Variants in MAML3 observed in about 807,000 individuals in gnomAD.
MAML3 encodes the protein mastermind-like protein 3.
Under a neutral mutation model 101.9 loss-of-function variants are expected in MAML3, and 27 were observed. That is an observed-to-expected ratio of 0.27 (90% CI 0.20 to 0.37). MAML3 has a LOEUF of 0.37. Among genes scored for constraint, MAML3 ranks in the 10% least tolerant of loss-of-function variants. MAML3 has a pLI of 1.00. For missense variants in MAML3, 1,316 were observed against 1,444.9 expected (o/e 0.91, Z 1.45); for synonymous variants, 501 against 555.9 (o/e 0.90, Z 1.39).
intron 1 of MAML3, among the ~76,000 whole-genome samples, chr4:139,894,456 G>C (rs1475250302): frequency 6.6e-6 from 1 of 151,644 alleles, no homozygotes; most frequent in Non-Finnish European, 1.5e-5. Flanking sequence ...GCTACAGTGA[G>C]CTGAGATCGT....
intron 2 of MAML3, among the ~76,000 whole-genome samples, chr4:139,855,456 CCT>C (rs1461831863): frequency 1.3e-5 from 2 of 152,106 alleles, no homozygotes; most frequent in Admixed American, 6.6e-5. Flanking sequence ...CTCTATTTTT[CCT>C]CTGTTTTTCA....
At chr4:139,997,378 C>A (rs543001677) in intron 1 of MAML3, among the ~76,000 whole-genome samples, 57 of 152,050 alleles carry the variant, frequency 3.7e-4, no homozygotes, top group African/African-American at 1.3e-3. Flanking sequence ...TAACTTATCA[C>A]AATCTATTGC....
intron 1 of MAML3, among the ~76,000 whole-genome samples, chr4:139,918,647 C>A (rs1733069138): frequency 6.6e-6 from 1 of 152,202 alleles, no homozygotes; most frequent in African/African-American, 2.4e-5. Context: ...TGAGTGTAAG[C>A]TCCTTGCAGA....
intron 2 of MAML3, among the ~76,000 whole-genome samples, chr4:139,742,279 G>A (rs1215433749): frequency 6.6e-6 from 1 of 152,006 alleles, no homozygotes; most frequent in African/African-American, 2.4e-5. Context: ...CTCCCTAGTA[G>A]CTGGGATTAC....
chr4:140,129,247 G>A (rs1382940564), intron 1 of MAML3, among the ~76,000 whole-genome samples: 2 of 152,092 alleles, frequency 1.3e-5, no homozygotes. Flanking sequence ...CCATCAGTGG[G>A]ACCATGGAAG....
chr4:139,899,881 T>C (rs756021392), intron 1 of MAML3, among the ~76,000 whole-genome samples: 10 of 152,210 alleles, frequency 6.6e-5, no homozygotes, highest in Non-Finnish European at 1.3e-4. Flanking sequence ...GGCTTCCCTG[T>C]ACCTGTTCAG....
At chr4:139,748,909 G>A (rs1729412588) in intron 2 of MAML3, among the ~76,000 whole-genome samples, 1 of 152,236 alleles carries the variant, frequency 6.6e-6, no homozygotes, top group Admixed American at 6.5e-5. Flanking sequence ...CTCTCTTAGG[G>A]GCTCCTCTTT....
chr4:140,104,110 A>G (rs10084775), intron 1 of MAML3, among the ~76,000 whole-genome samples: 145,322 of 151,430 alleles, frequency 0.96, 69,998 homozygotes, highest in East Asian at 1. Flanking sequence ...ATAAGAACAA[A>G]TGTAGTGGCT....
At chr4:140,004,005 T>C (rs1456422782) in intron 1 of MAML3, among the ~76,000 whole-genome samples, 2 of 152,210 alleles carry the variant, frequency 1.3e-5, no homozygotes, top group South Asian at 4.1e-4. Context: ...TTGTAAGCTA[T>C]AGGCAATGGG....
chr4:140,149,559 ATAAT>A (rs1268110561), intron 1 of MAML3, among the ~76,000 whole-genome samples: 2 of 152,274 alleles, frequency 1.3e-5, no homozygotes, highest in African/African-American at 4.8e-5. Flanking sequence ...AGGCAGAAAG[ATAAT>A]TAATCGATAT....
chr4:139,809,907 C>T (rs1292563251), intron 2 of MAML3, among the ~76,000 whole-genome samples: 1 of 150,688 alleles, frequency 6.6e-6, no homozygotes, highest in Non-Finnish European at 1.5e-5. Flanking sequence ...CACGGATGCT[C>T]CAGTGACTGC....
intron 2 of MAML3, among the ~76,000 whole-genome samples, chr4:139,795,057 A>G (rs1730486868): frequency 6.6e-6 from 1 of 152,204 alleles, no homozygotes; most frequent in Admixed American, 6.5e-5. Flanking sequence ...CAGGGATCAG[A>G]AAGGGCAGCC....
chr4:140,104,585 T>C (rs964448379), intron 1 of MAML3, among the ~76,000 whole-genome samples: 1 of 148,520 alleles, frequency 6.7e-6, no homozygotes, highest in Non-Finnish European at 1.5e-5. Context: ...CTCCACTTCC[T>C]GGGCTCAAGT....
At chr4:140,071,889 G>T (rs1727662295) in intron 1 of MAML3, among the ~76,000 whole-genome samples, 1 of 152,080 alleles carries the variant, frequency 6.6e-6, no homozygotes, top group Non-Finnish European at 1.5e-5. Flanking sequence ...AGTCCCTTGG[G>T]CAGGCTGGTG....
At chr4:139,797,576 C>A (rs768605780) in intron 2 of MAML3, among the ~76,000 whole-genome samples, 1 of 152,094 alleles carries the variant, frequency 6.6e-6, no homozygotes, top group Non-Finnish European at 1.5e-5. Flanking sequence ...GCCAGGGCAT[C>A]GCTGGCTGGC....
intron 1 of MAML3, among the ~76,000 whole-genome samples, chr4:139,917,707 C>G (rs1158962641): frequency 6.6e-6 from 1 of 152,150 alleles, no homozygotes; most frequent in Non-Finnish European, 1.5e-5. Context: ...ATAGAAAGGG[C>G]TGCCTTGTGA....
intron 2 of MAML3, among the ~76,000 whole-genome samples, chr4:139,816,553 A>G (rs1292732276): frequency 2.0e-5 from 3 of 152,030 alleles, no homozygotes; most frequent in African/African-American, 4.8e-5. Flanking sequence ...GGAAAGGAGG[A>G]ACAGACGGGG....
Position 139,717,060 on chromosome 4 carries a change from T to G in MAML3, c.*2263A>C, listed in dbSNP as rs904231359. On this transcript the variant is annotated 3_prime_UTR_variant, in exon 5 of 5. Coordinates refer to ENST00000509479, the MANE Select transcript of MAML3 (RefSeq NM_018717.5). ...CAGTATATATATATTTATATGTATA[T>G]TTTTTACAGATAGTAGACCCAGTGA... 3 of 152,550 alleles carry G rather than the reference T, an allele frequency of 2.0e-5. No individual in the cohort carries two copies. Among genetic ancestry groups the G allele is most frequent in the Middle Eastern group, 3.4e-3 (1 of 294 alleles). The allele number at this position is 152,550 out of a possible 1,614,324, so 9.4% of individuals were successfully genotyped here.
chr4:139,860,784 ACT>A (rs2111165027), intron 2 of MAML3, among the ~76,000 whole-genome samples: 1 of 152,254 alleles, frequency 6.6e-6, no homozygotes, highest in East Asian at 1.9e-4. Context: ...CAGTAAAAAC[ACT>A]GAGTTTGTTC....
Sources: gnomAD v4.1 joint callset for allele counts (sites outside exome capture counted in the v4.1 genomes callset) on GRCh38, gnomAD v4.1.1 for gene constraint, MANE v1.5 for transcripts, NCBI Gene and HGNC (gene_info 2026-07-23, HGNC 2026-07-21) for gene names.